The following MSRA variants were observed in gnomAD, a reference collection of about 807,000 sequenced individuals.
The protein encoded by MSRA is mitochondrial peptide methionine sulfoxide reductase.
Under a neutral mutation model 31.3 loss-of-function variants are expected in MSRA, and 54 were observed. The ratio of observed to expected loss-of-function variants is 1.73; its 90% CI spans 1.39 to 2.17. The LOEUF (loss-of-function observed/expected upper bound fraction) is 2.17. MSRA is among the 30% of genes most tolerant of loss of function. The probability of loss-of-function intolerance (pLI) is 0.00; values close to 1 mark genes in which losing one functional copy is unlikely to be tolerated. For synonymous variants in MSRA, 169 were observed against 116.5 expected (o/e 1.45, Z -2.90); for missense variants, 507 against 300.9 (o/e 1.69, Z -5.07).
chr8:10,235,371 A>AC (rs1196785578), intron 2 of MSRA, among the ~76,000 whole-genome samples: 1 of 152,172 alleles, frequency 6.6e-6, no homozygotes, highest in African/African-American at 2.4e-5. Flanking sequence ...CAATGAAAGT[A>AC]CTACATATCT....
At chr8:10,285,564 T>C (rs2129111045) in intron 3 of MSRA, among the ~76,000 whole-genome samples, 1 of 152,284 alleles carries the variant, frequency 6.6e-6, no homozygotes, top group Middle Eastern at 3.4e-3. Context: ...ATAGTCAGTC[T>C]GTAGGGTTCT....
chr8:10,266,458 C>A (rs770167978), intron 3 of MSRA, among the ~76,000 whole-genome samples: 1 of 152,156 alleles, frequency 6.6e-6, no homozygotes, highest in African/African-American at 2.4e-5. Context: ...GTAATTTTGA[C>A]AGCTCTTGAT....
Position 10,268,687 on chromosome 8 carries a change from C to T in MSRA, c.331+23464C>T, listed in dbSNP as rs553566224. Among the ~76,000 whole-genome samples the T allele has an allele frequency of 1.3e-3, 195 of 152,336 alleles. 1 individual carries two copies. The highest frequency in any genetic ancestry group is 1.9e-3 in the Non-Finnish European group (129 of 68,032). On this transcript the variant is annotated intron_variant, in intron 3 of 5. Coordinates refer to ENST00000317173, the MANE Select transcript of MSRA (RefSeq NM_012331.5). ...TTCAGAAATTTTCTGAAGAGGGGAA[C>T]GAGTTCTTTCCCCATCATGGGATTT...
At chr8:10,241,131 A>G (rs58234743) in intron 2 of MSRA, among the ~76,000 whole-genome samples, 5,500 of 152,178 alleles carry the variant, frequency 0.036, 142 homozygotes, top group African/African-American at 0.072. Context: ...ATCATCCCCT[A>G]GTGCTCCATG....
intron 4 of MSRA, among the ~76,000 whole-genome samples, chr8:10,309,248 G>A (rs930173277): frequency 2.0e-5 from 3 of 152,252 alleles, no homozygotes; most frequent in African/African-American, 7.2e-5. Context: ...CGTTGAACTA[G>A]TGAGTGAACC....
At chr8:10,096,970 C>A (rs895130441) in intron 1 of MSRA, among the ~76,000 whole-genome samples, 1 of 152,154 alleles carries the variant, frequency 6.6e-6, no homozygotes, top group Admixed American at 6.5e-5. Context: ...AAGTACTCAT[C>A]ATTTTGGGCA....
intron 3 of MSRA, among the ~76,000 whole-genome samples, chr8:10,279,010 C>T (rs1177576948): frequency 6.6e-6 from 1 of 152,022 alleles, no homozygotes; most frequent in Non-Finnish European, 1.5e-5. Flanking sequence ...AAAAAATTGC[C>T]CCGTGATGGT....
Position 10,148,957 on chromosome 8 carries a change from A to AT in MSRA, c.143-58859dup, listed in dbSNP as rs34442171. Among the ~76,000 whole-genome samples, 294 of 136,398 alleles carry AT rather than the reference A, an allele frequency of 2.2e-3. 1 individual carries two copies. Among genetic ancestry groups the AT allele is most frequent in the South Asian group, 3.3e-3 (14 of 4,198 alleles). 89.5% of individuals were successfully genotyped at this position (136,398 alleles called of 152,430 possible). A position where few individuals can be genotyped will look rare whatever the true frequency, so the allele number is the denominator to read the frequency against. ...TGGCGATTGTGTGTGTCGCTGGTAA[A>AT]TTTTTTTTTTTTTTTTTGAGACATA... On this transcript the variant is annotated intron_variant, in intron 1 of 5. Coordinates refer to ENST00000317173, the MANE Select transcript of MSRA (RefSeq NM_012331.5).
At chr8:10,366,427 C>T (rs1164624619) in intron 5 of MSRA, among the ~76,000 whole-genome samples, 4 of 152,238 alleles carry the variant, frequency 2.6e-5, no homozygotes, top group Non-Finnish European at 5.9e-5. Flanking sequence ...TGCAGGCTCT[C>T]TGGAATTTTC....
intron 1 of MSRA, among the ~76,000 whole-genome samples, chr8:10,156,048 T>C (rs1196429180): frequency 6.6e-6 from 1 of 152,112 alleles, no homozygotes; most frequent in African/African-American, 2.4e-5. Flanking sequence ...CCTGATGTGA[T>C]GCGGTAGGAG....
intron 3 of MSRA, among the ~76,000 whole-genome samples, chr8:10,256,983 A>G (rs1798218334): frequency 6.6e-6 from 1 of 152,132 alleles, no homozygotes; most frequent in Non-Finnish European, 1.5e-5. Flanking sequence ...TTCCTTCATA[A>G]TAGCTCAGTG....
At chr8:10,157,826 C>T (rs1351629477) in intron 1 of MSRA, among the ~76,000 whole-genome samples, 2 of 152,068 alleles carry the variant, frequency 1.3e-5, no homozygotes, top group Admixed American at 6.6e-5. Context: ...CTTCCCTTCC[C>T]TCTCTCCATC....
At chr8:10,270,966 C>G (rs1799003885) in intron 3 of MSRA, among the ~76,000 whole-genome samples, 1 of 152,112 alleles carries the variant, frequency 6.6e-6, no homozygotes, top group Non-Finnish European at 1.5e-5. Context: ...CATTTTGTTC[C>G]TGGAAGAGGG....
At chr8:10,160,592 G>A (rs1804549531) in intron 1 of MSRA, among the ~76,000 whole-genome samples, 2 of 152,148 alleles carry the variant, frequency 1.3e-5, no homozygotes, top group South Asian at 4.1e-4. Context: ...AATTTAGCAG[G>A]AGGATCCTAT....
chr8:10,123,833 T>G (rs1425617244), intron 1 of MSRA, among the ~76,000 whole-genome samples: 61 of 152,104 alleles, frequency 4.0e-4, no homozygotes, highest in Admixed American at 4.0e-3. Context: ...TTCTGGGCTC[T>G]CTATTCCAAT....
chr8:10,098,261 G>A (rs571128737), intron 1 of MSRA, among the ~76,000 whole-genome samples: 5 of 152,128 alleles, frequency 3.3e-5, no homozygotes, highest in East Asian at 1.9e-4. Context: ...AATTATGGTC[G>A]TTTGAATTGT....
chr8:10,147,263 C>T (rs981264701), intron 1 of MSRA, among the ~76,000 whole-genome samples: 7 of 152,112 alleles, frequency 4.6e-5, no homozygotes, highest in Admixed American at 4.6e-4. Context: ...TTCAAGGAAC[C>T]GGCGATCCAT....
intron 1 of MSRA, among the ~76,000 whole-genome samples, chr8:10,104,010 T>A (rs1015647532): frequency 1.3e-5 from 2 of 152,228 alleles, no homozygotes; most frequent in African/African-American, 4.8e-5. Flanking sequence ...TTTTAAACTG[T>A]TGCTATCCTT....
intron 5 of MSRA, among the ~76,000 whole-genome samples, chr8:10,324,090 C>T (rs1802221335): frequency 6.6e-6 from 1 of 152,168 alleles, no homozygotes. Context: ...CTTTCAGCAC[C>T]ACTCGCCTTT....
Sources: gnomAD v4.1 joint callset for allele counts (sites outside exome capture counted in the v4.1 genomes callset) on GRCh38, gnomAD v4.1.1 for gene constraint, MANE v1.5 for transcripts, NCBI Gene and HGNC (gene_info 2026-07-23, HGNC 2026-07-21) for gene names.